Variants in AP1G1 observed in about 807,000 individuals in gnomAD.
AP1G1 encodes the protein AP-1 complex subunit gamma-1.
Under a neutral mutation model 108.3 loss-of-function variants are expected in AP1G1, and 7 were observed. The observed-to-expected ratio is 0.06, with a 90% CI of 0.04 to 0.12. AP1G1 has a LOEUF of 0.12. Among genes scored for constraint, AP1G1 ranks in the 10% least tolerant of loss-of-function variants. The pLI, the probability that AP1G1 is intolerant of heterozygous loss-of-function variation, is 1.00. For missense variants in AP1G1, 756 were observed against 1,010.7 expected (o/e 0.75, Z 3.42); for synonymous variants, 379 against 353.5 (o/e 1.07, Z -0.81).
intron 1 of AP1G1, among the ~76,000 whole-genome samples, chr16:71,807,526 CTTAGAGGG>C (rs576830349): frequency 2.6e-5 from 4 of 152,246 alleles, no homozygotes; most frequent in African/African-American, 9.6e-5. Context: ...ATTACGAGTA[CTTAGAGGG>C]TTCATATTTT....
At chr16:71,750,397 A>G (rs2030420867) in intron 13 of AP1G1, 65 bp from the exon 14 acceptor site, 1 of 1,578,542 alleles carries the variant, frequency 6.3e-7, no homozygotes. Context: ...AGTGTTAGCT[A>G]TTATTATTAC....
intron 2 of AP1G1, among the ~76,000 whole-genome samples, chr16:71,785,047 G>A (rs972580411): frequency 2.0e-5 from 3 of 149,972 alleles, no homozygotes; most frequent in Non-Finnish European, 3.0e-5. Context: ...TCATTTCAAC[G>A]TATGATCAAC....
At chr16:71,791,464 T>C (rs2145530028) in intron 1 of AP1G1, among the ~76,000 whole-genome samples, 1 of 152,094 alleles carries the variant, frequency 6.6e-6, no homozygotes, top group East Asian at 1.9e-4. Context: ...TAACAAAACA[T>C]TACTGTAAAA....
chr16:71,788,919 G>A (rs1256494951), intron 2 of AP1G1, among the ~76,000 whole-genome samples: 7 of 151,764 alleles, frequency 4.6e-5, no homozygotes, highest in Non-Finnish European at 1.0e-4. Context: ...AGTGTCCCAA[G>A]TAGCTGGGAT....
intron 13 of AP1G1, 153 bp downstream of exon 13, chr16:71,753,680 T>G: frequency 1.4e-6 from 1 of 722,926 alleles, no homozygotes; most frequent in Admixed American, 2.2e-5. Context: ...TCCATGCTGC[T>G]TTAGGTTTTT....
chr16:71,738,555 A>C (rs2045578962), intron 21 of AP1G1, among the ~76,000 whole-genome samples: 1 of 152,206 alleles, frequency 6.6e-6, no homozygotes, highest in African/African-American at 2.4e-5. Context: ...AGATAATACC[A>C]GATAGACAAA....
At chr16:71,769,820 C>T (rs2031499781) in intron 5 of AP1G1, 121 bp from the exon 6 acceptor site, 3 of 725,496 alleles carry the variant, frequency 4.1e-6, no homozygotes, top group Non-Finnish European at 7.0e-6. Context: ...CTTTTTAATC[C>T]CCCAAAGCAT....
At chr16:71,779,669 G>C (rs2031929401) in intron 2 of AP1G1, among the ~76,000 whole-genome samples, 1 of 152,078 alleles carries the variant, frequency 6.6e-6, no homozygotes, top group African/African-American at 2.4e-5. Context: ...AATTTTCTTT[G>C]AATTTCAAAG....
chr16:71,747,209 C>T (rs2030227519), intron 16 of AP1G1: 1 of 152,126 alleles, frequency 6.6e-6, no homozygotes, highest in Non-Finnish European at 1.5e-5. Flanking sequence ...CTACGTTGGC[C>T]TTAAATATGC....
At chr16:71,762,595 A>G (rs2031140403) in intron 9 of AP1G1, among the ~76,000 whole-genome samples, 1 of 152,146 alleles carries the variant, frequency 6.6e-6, no homozygotes, top group Admixed American at 6.5e-5. Flanking sequence ...AAAAATCCCA[A>G]ATGGACAGGG....
At position 71,773,183 on chromosome 16, in the gene AP1G1, C is replaced by A. The variant is rs772019711; in HGVS notation, c.468+38G>T. 1.9e-6 allele frequency: 3 copies of A among 1,608,154 alleles called. No homozygotes were observed. In the South Asian group the frequency reaches 3.3e-5, roughly 18 times the overall value. On this transcript the variant is annotated intron_variant, in intron 4 of 22. Transcript: ENST00000299980. ...TCTGCCTTCTCATCTCCATAATACT[C>A]CCTAATCCAAACAGACATTTGGTTC... is the stretch of plus-strand genomic sequence containing the variant.
At chr16:71,733,837 T>C (rs1309075032) in intron 22 of AP1G1, among the ~76,000 whole-genome samples, 1 of 152,174 alleles carries the variant, frequency 6.6e-6, no homozygotes, top group Admixed American at 6.5e-5. Flanking sequence ...TCCTAAAGCA[T>C]AAAATTTTAA....
At chr16:71,768,137 T>C (rs372187183) in intron 6 of AP1G1, among the ~76,000 whole-genome samples, 16 of 150,356 alleles carry the variant, frequency 1.1e-4, no homozygotes, top group Admixed American at 8.7e-4. Flanking sequence ...AACAGTCTTC[T>C]TCTGAGTCTA....
intron 5 of AP1G1, 21 bp downstream of exon 5, chr16:71,771,135 A>C: frequency 6.9e-7 from 1 of 1,442,088 alleles, no homozygotes; most frequent in Non-Finnish European, 9.7e-7. Flanking sequence ...ATACTTCATG[A>C]ATACATCCAA....
intron 10 of AP1G1, 90 bp from the exon 11 acceptor site, chr16:71,759,011 A>C: frequency 2.8e-6 from 2 of 709,292 alleles, no homozygotes; most frequent in Non-Finnish European, 4.8e-6. Flanking sequence ...AAGACGTCTA[A>C]TGGATAAGAG....
At chr16:71,745,036 C>T in intron 19 of AP1G1, 108 bp downstream of exon 19, 1 of 1,225,588 alleles carries the variant, frequency 8.2e-7, no homozygotes, top group Non-Finnish European at 1.2e-6. Flanking sequence ...CTGATTTAGC[C>T]TCTCCCATCT....
At chr16:71,793,477 T>C (rs2032475163) in intron 1 of AP1G1, among the ~76,000 whole-genome samples, 1 of 152,064 alleles carries the variant, frequency 6.6e-6, no homozygotes, top group Non-Finnish European at 1.5e-5. Flanking sequence ...GTATCTATGA[T>C]AGTTAAAAAT....
chr16:71,798,630 G>A (rs1208985097), intron 1 of AP1G1, among the ~76,000 whole-genome samples: 3 of 151,832 alleles, frequency 2.0e-5, no homozygotes, highest in African/African-American at 7.3e-5. Flanking sequence ...GCTCACGCCT[G>A]TAATCCCAGC....
intron 6 of AP1G1, among the ~76,000 whole-genome samples, chr16:71,766,068 C>G (rs1449876118): frequency 6.6e-6 from 1 of 152,106 alleles, no homozygotes; most frequent in East Asian, 1.9e-4. Context: ...AAAAAAATCT[C>G]TTCTCTTAAG....
Sources: gnomAD v4.1 joint callset for allele counts (sites outside exome capture counted in the v4.1 genomes callset) on GRCh38, gnomAD v4.1.1 for gene constraint, MANE v1.5 for transcripts, NCBI Gene and HGNC (gene_info 2026-07-23, HGNC 2026-07-21) for gene names.